Variants in ZFHX3 observed in about 807,000 individuals in gnomAD.
ZFHX3 encodes the protein zinc finger homeobox 3.
A neutral mutation model predicts 279.1 loss-of-function variants in ZFHX3; 42 were observed. The observed-to-expected ratio is 0.15, with a 90% CI of 0.12 to 0.19. The LOEUF is 0.19. ZFHX3 is among the 10% of genes least tolerant of loss of function. The pLI, the probability that ZFHX3 is intolerant of heterozygous loss-of-function variation, is 1.00. For synonymous variants in ZFHX3, 2,293 were observed against 1,957.8 expected, an observed-to-expected ratio of 1.17 and a Z score of -4.52; for missense variants, 4,981 against 4,754.0, an observed-to-expected ratio of 1.05 and a Z score of -1.40.
upstream of ZFHX3, among the ~76,000 whole-genome samples, chr16:73,049,529 C>A (rs1294852068): frequency 6.6e-6 from 1 of 152,206 alleles, no homozygotes; most frequent in African/African-American, 2.4e-5. Flanking sequence ...AAGTATCTAA[C>A]CTGTTGGGTA....
intron 1 of ZFHX3, among the ~76,000 whole-genome samples, chr16:73,825,926 C>A (rs1181363466): frequency 1.3e-5 from 1 of 78,408 alleles, no homozygotes; most frequent in African/African-American, 6.8e-5. Context: ...TAGTTTTTTC[C>A]AATTCTGTGA....
chr16:73,222,400 C>T (rs1272148603), intron 5 of ZFHX3, among the ~76,000 whole-genome samples: 3 of 152,014 alleles, frequency 2.0e-5, no homozygotes, highest in African/African-American at 2.4e-5. Context: ...ATATACAAAA[C>T]TCAATCACTC....
chr16:72,962,103 A>T (rs780549302), intron 1 of ZFHX3, among the ~76,000 whole-genome samples: 1 of 152,188 alleles, frequency 6.6e-6, no homozygotes, highest in African/African-American at 2.4e-5. Context: ...CCGATTGTAA[A>T]ATCAATGTCA....
chr16:73,771,502 G>A (rs185325002), intron 1 of ZFHX3, among the ~76,000 whole-genome samples: 60 of 152,300 alleles, frequency 3.9e-4, no homozygotes, highest in Middle Eastern at 3.4e-3. Flanking sequence ...TTCCTCATTG[G>A]CCTGCTTTGA....
chr16:73,804,226 GAA>G (rs1233242483), intron 1 of ZFHX3, among the ~76,000 whole-genome samples: 2 of 152,200 alleles, frequency 1.3e-5, no homozygotes, highest in Non-Finnish European at 2.9e-5. Flanking sequence ...AGGAAGAGTG[GAA>G]CATTAGTTAC....
chr16:73,603,140 C>T (rs1389618416), intron 2 of ZFHX3, among the ~76,000 whole-genome samples: 1 of 151,646 alleles, frequency 6.6e-6, no homozygotes, highest in Non-Finnish European at 1.5e-5. Flanking sequence ...AAAAAATTAG[C>T]CGGGCGCAGT....
intron 1 of ZFHX3, among the ~76,000 whole-genome samples, chr16:73,027,490 T>C (rs1052194687): frequency 3.3e-5 from 5 of 152,226 alleles, no homozygotes; most frequent in African/African-American, 1.2e-4. Context: ...TGCCTTTTTA[T>C]GGGAATTTTT....
chr16:73,789,932 A>G lies in ZFHX3; in HGVS notation c.-1608+101719T>C, dbSNP rs72803157. 4.4e-3 allele frequency among the ~76,000 whole-genome samples: 674 copies of G among 152,336 alleles called. 5 individuals carry two copies. The highest frequency in any genetic ancestry group is 6.6e-3 in the Non-Finnish European group (449 of 68,028). On this transcript the variant is annotated intron_variant, in intron 1 of 17. Transcript: ENST00000641206. Reference sequence around the variant, plus strand: ...TCCTACTAAATGATAAATTCAAAGCAGCACTTTGCCGTTCTGCCTCATTTA... The same window carrying G: ...TCCTACTAAATGATAAATTCAAAGCGGCACTTTGCCGTTCTGCCTCATTTA...
chr16:72,838,705 G>C (rs1465345002), intron 4 of ZFHX3, among the ~76,000 whole-genome samples: 1 of 152,124 alleles, frequency 6.6e-6, no homozygotes, highest in Admixed American at 6.5e-5. Flanking sequence ...GGGTGGGTGG[G>C]GGTCAAGAGA....
intron 3 of ZFHX3, among the ~76,000 whole-genome samples, chr16:73,359,064 C>CT (rs773191228): frequency 7.9e-5 from 12 of 152,134 alleles, no homozygotes; most frequent in Admixed American, 1.3e-4. Flanking sequence ...GGAAATTGAG[C>CT]ATCTTGCTTT....
rs1160046191 is a variant in ZFHX3 at position 72,966,517 on chromosome 16, A to G, written c.-49-6323T>C. Among the ~76,000 whole-genome samples, 3 of 152,130 alleles carry G rather than the reference A, an allele frequency of 2.0e-5. No individual in the cohort carries two copies. In the East Asian group the frequency reaches 5.8e-4, roughly 30 times the overall value. ...TAATGGGGCCTTTGGCAACAGTACT[A>G]CTCTGTACCTGTTGGAGCTCAGCAG... On this transcript the variant is annotated intron_variant, in intron 1 of 9. Transcript: ENST00000268489.
intron 2 of ZFHX3, among the ~76,000 whole-genome samples, chr16:73,565,002 T>A (rs950707841): frequency 6.6e-6 from 1 of 151,906 alleles, no homozygotes; most frequent in Non-Finnish European, 1.5e-5. Flanking sequence ...CCTGTAATCC[T>A]ACCATTTTGG....
intron 7 of ZFHX3, among the ~76,000 whole-genome samples, chr16:73,114,998 C>T (rs533553598): frequency 1.2e-3 from 178 of 151,988 alleles, no homozygotes; most frequent in Non-Finnish European, 2.2e-3. Context: ...CCTTCTATAG[C>T]GATTCCTCAA....
At chr16:73,081,811 A>T (rs1199784258) in intron 8 of ZFHX3, among the ~76,000 whole-genome samples, 3 of 151,522 alleles carry the variant, frequency 2.0e-5, no homozygotes, top group African/African-American at 7.3e-5. Context: ...CTTGACTTGT[A>T]ATTATAAATG....
At chr16:73,206,015 T>A (rs368740174) in intron 5 of ZFHX3, among the ~76,000 whole-genome samples, 41 of 152,368 alleles carry the variant, frequency 2.7e-4, no homozygotes, top group African/African-American at 9.9e-4. Context: ...GTTTTAAAAA[T>A]GAACTTTTAT....
chr16:73,267,261 T>C (rs2014003267), intron 4 of ZFHX3, among the ~76,000 whole-genome samples: 1 of 152,100 alleles, frequency 6.6e-6, no homozygotes, highest in African/African-American at 2.4e-5. Flanking sequence ...GCCTGTGGAA[T>C]ACACATTTCC....
At chr16:72,851,246 G>A (rs2037610080) in intron 4 of ZFHX3, among the ~76,000 whole-genome samples, 1 of 152,078 alleles carries the variant, frequency 6.6e-6, no homozygotes, top group Non-Finnish European at 1.5e-5. Flanking sequence ...GAAGAAGAGG[G>A]ACAAGAGGCC....
chr16:73,440,679 C>T (rs1314692597), intron 3 of ZFHX3, among the ~76,000 whole-genome samples: 1 of 152,206 alleles, frequency 6.6e-6, no homozygotes, highest in African/African-American at 2.4e-5. Context: ...TCACCAGCCA[C>T]TATTTTGGAA....
chr16:72,967,017 G>C (rs1349282992), intron 1 of ZFHX3, among the ~76,000 whole-genome samples: 1 of 152,186 alleles, frequency 6.6e-6, no homozygotes, highest in African/African-American at 2.4e-5. Context: ...CTATGGGCTT[G>C]TCTGTCCCCA....
Sources: gnomAD v4.1 joint callset for allele counts (sites outside exome capture counted in the v4.1 genomes callset) on GRCh38, gnomAD v4.1.1 for gene constraint, MANE v1.5 for transcripts, NCBI Gene and HGNC (gene_info 2026-07-23, HGNC 2026-07-21) for gene names.